Variants in TIAM1 observed in about 807,000 individuals in gnomAD.
TIAM1 encodes the protein rho guanine nucleotide exchange factor TIAM1.
In TIAM1, 65 loss-of-function variants were observed where a neutral mutation model predicts 163.5. The ratio of observed to expected loss-of-function variants is 0.40; its 90% CI spans 0.33 to 0.49. The LOEUF (loss-of-function observed/expected upper bound fraction) is 0.49. TIAM1 is among the 20% of genes least tolerant of loss of function. TIAM1 has a pLI of 0.77. For missense variants in TIAM1, 1,789 were observed against 2,044.7 expected (o/e 0.87, Z 2.41); for synonymous variants, 833 against 810.1 (o/e 1.03, Z -0.48).
intron 1 of TIAM1, among the ~76,000 whole-genome samples, chr21:31,481,557 A>G (rs1307126909): frequency 1.3e-5 from 2 of 152,080 alleles, no homozygotes; most frequent in African/African-American, 2.4e-5. Flanking sequence ...GACCAACTAC[A>G]AATTCTGGGG....
At chr21:31,552,537 G>T (rs539943890) in intron 1 of TIAM1, among the ~76,000 whole-genome samples, 1 of 152,206 alleles carries the variant, frequency 6.6e-6, no homozygotes, top group Non-Finnish European at 1.5e-5. Context: ...ACTTTGGGAG[G>T]CCGGGGCAGG....
rs543383276 is a variant in TIAM1, at chr21:31,334,069, G to A, written c.-189+5174C>T. ...AAAATCGGAAACGCTTCCAATCAAC[G>A]CTTATGGCTATAGGCTTTTCCACTT... On this transcript the variant is annotated intron_variant, in intron 2 of 27. Transcript: ENST00000541036. Among the ~76,000 whole-genome samples the A allele has an allele frequency of 7.9e-4, 120 of 152,316 alleles. No homozygotes were observed. In the South Asian group the frequency reaches 0.015, roughly 19 times the overall value.
At chr21:31,451,674 T>G (rs2044845687) in intron 2 of TIAM1, among the ~76,000 whole-genome samples, 1 of 150,596 alleles carries the variant, frequency 6.6e-6, no homozygotes, top group Non-Finnish European at 1.5e-5. Context: ...GGATGGACAA[T>G]TAAGCCAACA....
At chr21:31,163,174 C>A (rs1164517440) in intron 16 of TIAM1, among the ~76,000 whole-genome samples, 2 of 152,150 alleles carry the variant, frequency 1.3e-5, no homozygotes, top group African/African-American at 4.8e-5. Context: ...GTTTTAGATA[C>A]AGGAAAAATA....
chr21:31,367,607 G>C (rs1443344882), intron 2 of TIAM1, among the ~76,000 whole-genome samples: 1 of 152,078 alleles, frequency 6.6e-6, no homozygotes, highest in Non-Finnish European at 1.5e-5. Context: ...CATTTAAGAG[G>C]ATCCAGAAAT....
intron 19 of TIAM1, 94 bp downstream of exon 19, chr21:31,152,542 C>T (rs1348790389): frequency 1.3e-6 from 2 of 1,539,212 alleles, no homozygotes; most frequent in Non-Finnish European, 1.8e-6. Flanking sequence ...ACAGACCCCA[C>T]TGTGGCCCTC....
At chr21:31,359,196 A>G (rs2147131398) in intron 2 of TIAM1, among the ~76,000 whole-genome samples, 1 of 152,308 alleles carries the variant, frequency 6.6e-6, no homozygotes, top group Admixed American at 6.5e-5. Flanking sequence ...CCCACTTCCA[A>G]CACACTGAAT....
At chr21:31,201,750 C>A (rs140756752) in intron 12 of TIAM1, among the ~76,000 whole-genome samples, 203 of 152,282 alleles carry the variant, frequency 1.3e-3, no homozygotes, top group African/African-American at 4.4e-3. Flanking sequence ...ATTCACACAT[C>A]CATGGCAAGC....
At chr21:31,190,176 C>A (rs1450835902) in intron 13 of TIAM1, among the ~76,000 whole-genome samples, 2 of 152,022 alleles carry the variant, frequency 1.3e-5, no homozygotes, top group African/African-American at 4.8e-5. Flanking sequence ...AAGGCTGAGG[C>A]GGGAGGAAAG....
At chr21:31,274,907 GA>G (rs2073223731) in intron 3 of TIAM1, among the ~76,000 whole-genome samples, 1 of 149,160 alleles carries the variant, frequency 6.7e-6, no homozygotes, top group Admixed American at 6.7e-5. Flanking sequence ...TCACGAGTTT[GA>G]GACTAGTCTG....
chr21:31,122,264 G>A (rs773429116), intron 27 of TIAM1, among the ~76,000 whole-genome samples: 3 of 152,074 alleles, frequency 2.0e-5, no homozygotes, highest in Non-Finnish European at 4.4e-5. Context: ...AAAGGGAATA[G>A]AAAATAGGAA....
intron 4 of TIAM1, among the ~76,000 whole-genome samples, chr21:31,258,969 C>T (rs1435811309): frequency 6.6e-6 from 1 of 152,052 alleles, no homozygotes; most frequent in Non-Finnish European, 1.5e-5. Flanking sequence ...CCATGGAGAC[C>T]CTGTCAGGCC....
At position 31,166,515 on chromosome 21, in the gene TIAM1, C is replaced by T. The variant is rs13051752; in HGVS notation, c.2888-1450G>A. Among the ~76,000 whole-genome samples the T allele has an allele frequency of 5.0e-3, 767 of 152,298 alleles. 5 individuals are homozygous for T. The highest frequency in any genetic ancestry group is 6.2e-3 in the Non-Finnish European group (420 of 68,024). ...CTGAGCAAACTTGGCACCAATGCTG[C>T]CTCCTACCATCCCTTTCTTCTCTGG... On this transcript the variant is annotated intron_variant, in intron 15 of 27. Coordinates refer to ENST00000541036, the MANE Select transcript of TIAM1 (RefSeq NM_001353694.2).
chr21:31,420,698 T>G (rs12626473), intron 2 of TIAM1, among the ~76,000 whole-genome samples: 1 of 152,172 alleles, frequency 6.6e-6, no homozygotes, highest in East Asian at 1.9e-4. Flanking sequence ...GAACTCAAAC[T>G]TCTATCTAGG....
intron 15 of TIAM1, among the ~76,000 whole-genome samples, chr21:31,168,977 T>C (rs994867749): frequency 3.9e-5 from 6 of 152,046 alleles, no homozygotes; most frequent in African/African-American, 1.4e-4. Flanking sequence ...GTCAAATAAG[T>C]ATGCTTAAAA....
At chr21:31,297,829 T>A (rs1043484490) in intron 2 of TIAM1, among the ~76,000 whole-genome samples, 4 of 152,148 alleles carry the variant, frequency 2.6e-5, no homozygotes, top group Non-Finnish European at 5.9e-5. Flanking sequence ...CAGAGGGCTA[T>A]GAAGAGGGAG....
At chr21:31,376,264 A>C (rs1279249100) in intron 2 of TIAM1, among the ~76,000 whole-genome samples, 1 of 152,044 alleles carries the variant, frequency 6.6e-6, no homozygotes, top group African/African-American at 2.4e-5. Context: ...CTCACACACC[A>C]TCCCTGATAA....
At chr21:31,306,482 A>G (rs2074715659) in intron 2 of TIAM1, among the ~76,000 whole-genome samples, 1 of 152,098 alleles carries the variant, frequency 6.6e-6, no homozygotes. Context: ...ATAACTTCAC[A>G]ACTGGGAAGG....
At chr21:31,200,536 G>T (rs1437366604) in intron 12 of TIAM1, among the ~76,000 whole-genome samples, 1 of 152,068 alleles carries the variant, frequency 6.6e-6, no homozygotes, top group Non-Finnish European at 1.5e-5. Context: ...TATGCTCATC[G>T]TTACCTCAGA....
Sources: gnomAD v4.1 joint callset for allele counts (sites outside exome capture counted in the v4.1 genomes callset) on GRCh38, gnomAD v4.1.1 for gene constraint, MANE v1.5 for transcripts, NCBI Gene and HGNC (gene_info 2026-07-23, HGNC 2026-07-21) for gene names.